ST3GAL6: variants seen among roughly 807,000 people sequenced by gnomAD.
ST3GAL6 encodes type 2 lactosamine alpha-2,3-sialyltransferase.
ST3GAL6 carries 31 observed loss-of-function variants against 40.5 expected under a neutral mutation model. The ratio of observed to expected loss-of-function variants is 0.77; its 90% CI spans 0.58 to 1.03. The LOEUF is 1.03. Ranked by LOEUF, ST3GAL6 falls within the 50% of genes least tolerant of loss-of-function variation. The pLI, the probability that ST3GAL6 is intolerant of heterozygous loss-of-function variation, is 0.00. For missense variants in ST3GAL6, 357 were observed against 393.2 expected (o/e 0.91, Z 0.78); for synonymous variants, 129 against 136.9 (o/e 0.94, Z 0.40).
chr3:98,787,400 G>A (rs1239721521), intron 6 of ST3GAL6, among the ~76,000 whole-genome samples: 2 of 152,084 alleles, frequency 1.3e-5, no homozygotes, highest in Non-Finnish European at 2.9e-5. Context: ...TTTTTTTATA[G>A]CATGGCTTCA....
upstream of ST3GAL6, among the ~76,000 whole-genome samples, chr3:98,759,275 G>A (rs1400359272): frequency 6.6e-6 from 1 of 152,174 alleles, no homozygotes; most frequent in Non-Finnish European, 1.5e-5. Flanking sequence ...ATAACAGCTT[G>A]AAAACACCTG....
rs142276736 is a variant in ST3GAL6 at position 98,741,259 on chromosome 3, T to C, written c.-12+8727T>C. The stretch of plus-strand genomic sequence containing the variant: ...TATGGTTCAAAACATAGAAACACTG[T>C]AGTTATCTCTGATCTTGAAACAGCT... On this transcript the variant is annotated intron_variant, in intron 1 of 9. Coordinates refer to the ST3GAL6 transcript ENST00000265261. Among the ~76,000 whole-genome samples, 906 of 152,194 alleles carry C rather than the reference T, an allele frequency of 6.0e-3. 38 individuals carry two copies. Among genetic ancestry groups the C allele is most frequent in the Admixed American group, 0.05 (768 of 15,286 alleles).
At chr3:98,738,061 A>G (rs1400517559) in intron 1 of ST3GAL6, among the ~76,000 whole-genome samples, 3 of 151,196 alleles carry the variant, frequency 2.0e-5, no homozygotes, top group Non-Finnish European at 4.4e-5. Flanking sequence ...GAGTTCTTAC[A>G]AGATCTGGTT....
upstream of ST3GAL6, among the ~76,000 whole-genome samples, chr3:98,759,653 A>G (rs1233714301): frequency 3.9e-5 from 6 of 151,908 alleles, no homozygotes; most frequent in African/African-American, 1.5e-4. Flanking sequence ...CTTCTGTAGT[A>G]TGATACGTAA....
rs144443795 is a variant in ST3GAL6 at position 98,733,453 on chromosome 3, T to A, written c.-12+921T>A. 1.8e-3 allele frequency: 1,748 copies of A among 991,918 alleles called. 22 individuals are homozygous for A. The African/African-American group carries it at 0.028, about 16-fold the overall frequency. The allele number at this position is 991,918 out of a possible 1,614,324, so 61.4% of individuals were successfully genotyped here. ...ACTATTGTTTTCTTGTAAAAGGGTC[T>A]GTACGCGAGGAGGGTTGAGGGGTCT... is the stretch of plus-strand genomic sequence containing the variant. On this transcript the variant is annotated intron_variant, in intron 1 of 9. Transcript: ENST00000265261.
At chr3:98,766,405 CTTTTTTTTTTTTTTT>C (rs369996406) in intron 1 of ST3GAL6, among the ~76,000 whole-genome samples, 4 of 104,106 alleles carry the variant, frequency 3.8e-5, no homozygotes, top group South Asian at 2.8e-4. Flanking sequence ...AAATGTCATT[CTTTTTTTTTTTTTTT>C]TTTTTTTTTT....
chr3:98,737,097 G>A (rs1935607667), intron 1 of ST3GAL6, among the ~76,000 whole-genome samples: 1 of 152,114 alleles, frequency 6.6e-6, no homozygotes, highest in Non-Finnish European at 1.5e-5. Context: ...CACCCAGGCT[G>A]GAGTGCAGTG....
chr3:98,747,791 A>G (rs1321186477), intron 1 of ST3GAL6, among the ~76,000 whole-genome samples: 1 of 152,122 alleles, frequency 6.6e-6, no homozygotes, highest in Non-Finnish European at 1.5e-5. Flanking sequence ...AATATCATAT[A>G]CTCTATAATG....
At chr3:98,732,755 C>T (rs918207877) in intron 1 of ST3GAL6, 43 of 1,144,356 alleles carry the variant, frequency 3.8e-5, no homozygotes, top group Non-Finnish European at 5.1e-5. Context: ...CAGGGCTGCT[C>T]CCTCCTCTGC....
At chr3:98,756,630 G>T in intron 1 of ST3GAL6, 1 of 1,061,304 alleles carries the variant, frequency 9.4e-7, no homozygotes, top group South Asian at 2.0e-5. Flanking sequence ...TCTCTTGTGG[G>T]TGATGTTAAA....
chr3:98,733,571 A>C (rs1335542585), intron 1 of ST3GAL6: 8 of 985,532 alleles, frequency 8.1e-6, no homozygotes, highest in Non-Finnish European at 9.6e-6. Context: ...GCTCCGAGGC[A>C]GTTTAGGAGA....
intron 1 of ST3GAL6, among the ~76,000 whole-genome samples, chr3:98,737,810 G>A (rs895701104): frequency 1.3e-5 from 2 of 152,002 alleles, no homozygotes; most frequent in African/African-American, 4.8e-5. Flanking sequence ...GCAAGCAAAT[G>A]GAAAACAGAA....
intron 1 of ST3GAL6, among the ~76,000 whole-genome samples, chr3:98,735,970 A>G (rs954945142): frequency 6.7e-6 from 1 of 149,822 alleles, no homozygotes; most frequent in African/African-American, 2.4e-5. Flanking sequence ...TGACTGTCGT[A>G]TAATCAGGCT....
intron 1 of ST3GAL6, chr3:98,732,868 GGCA>G (rs1935148207): frequency 6.6e-7 from 1 of 1,512,958 alleles, no homozygotes; most frequent in Admixed American, 2.0e-5. Context: ...GGCCCGATGT[GGCA>G]GGCGCCGCGA....
At chr3:98,747,665 G>T (rs572126831) in intron 1 of ST3GAL6, among the ~76,000 whole-genome samples, 2 of 152,198 alleles carry the variant, frequency 1.3e-5, no homozygotes, top group East Asian at 3.9e-4. Flanking sequence ...CATTTAAAAA[G>T]AATGAACCAG....
chr3:98,777,882 C>A (rs1939702542), intron 5 of ST3GAL6, among the ~76,000 whole-genome samples: 1 of 152,176 alleles, frequency 6.6e-6, no homozygotes. Context: ...AAAAGGAATA[C>A]TAAAAATATG....
chr3:98,785,106 C>A, intron 6 of ST3GAL6, 66 bp downstream of exon 6: 1 of 1,135,956 alleles, frequency 8.8e-7, no homozygotes, highest in Non-Finnish European at 1.3e-6. Flanking sequence ...TGCCTTAATA[C>A]AGCTGTGTTT....
At position 98,795,225 on chromosome 3, in the gene ST3GAL6, C is replaced by T. The variant is rs967048328; in HGVS notation, c.*1464C>T. The T allele has an allele frequency of 1.3e-5, 2 of 152,042 alleles. No individual in the cohort carries two copies. Among genetic ancestry groups the T allele is most frequent in the East Asian group, 1.9e-4 (1 of 5,194 alleles). 9.4% of individuals were successfully genotyped at this position (152,042 alleles called of 1,614,324 possible). A position where few individuals can be genotyped will look rare whatever the true frequency, so the allele number is the denominator to read the frequency against. On this transcript the variant is annotated 3_prime_UTR_variant, in exon 10 of 10. Coordinates refer to ENST00000483910, the MANE Select transcript of ST3GAL6 (RefSeq NM_001323368.2). ...GAAGAAAGAATTACTCTCTTTTGAC[C>T]AATAAATACAATTGGGAAACACTGG...
At chr3:98,791,784 C>G in intron 8 of ST3GAL6, 57 bp from the exon 9 acceptor site, 9 of 1,485,772 alleles carry the variant, frequency 6.1e-6, no homozygotes, top group Non-Finnish European at 8.3e-6. Context: ...ACCAAATATG[C>G]TTTGGTAACA....
Sources: allele counts gnomAD v4.1 joint callset (sites outside exome capture counted in the v4.1 genomes callset), GRCh38; gene constraint gnomAD v4.1.1; transcripts MANE v1.5; gene names NCBI Gene and HGNC (gene_info 2026-07-23, HGNC 2026-07-21).